Variants in DSCAM observed in about 807,000 individuals in gnomAD.
DSCAM encodes the protein cell adhesion molecule DSCAM.
A neutral mutation model predicts 217.7 loss-of-function variants in DSCAM; 47 were observed. That is an observed-to-expected ratio of 0.22 (90% confidence interval 0.17 to 0.28). The LOEUF (loss-of-function observed/expected upper bound fraction) is 0.28, where lower values mean the gene tolerates loss of function less well. Among genes scored for constraint, DSCAM ranks in the 10% least tolerant of loss-of-function variants. The pLI, the probability that DSCAM is intolerant of heterozygous loss-of-function variation, is 1.00. For missense variants in DSCAM, 2,080 were observed against 2,618.3 expected (o/e 0.79, Z 4.49); for synonymous variants, 1,056 against 1,015.3 (o/e 1.04, Z -0.76).
intron 20 of DSCAM, among the ~76,000 whole-genome samples, chr21:40,099,045 A>AT (rs1327785494): frequency 2.6e-5 from 4 of 152,190 alleles, no homozygotes; most frequent in Non-Finnish European, 2.9e-5. Flanking sequence ...TGCCAAATTA[A>AT]TTTTACAAAG....
chr21:40,603,917 T>C (rs2077081614), intron 3 of DSCAM, among the ~76,000 whole-genome samples: 1 of 140,336 alleles, frequency 7.1e-6, no homozygotes, highest in African/African-American at 2.6e-5. Context: ...GTAGACTTTT[T>C]TGCATTTCTT....
At chr21:40,499,944 CTAA>C (rs1454843061) in intron 3 of DSCAM, among the ~76,000 whole-genome samples, 2 of 152,058 alleles carry the variant, frequency 1.3e-5, no homozygotes, top group African/African-American at 4.8e-5. Flanking sequence ...CCACACCTGG[CTAA>C]TTTTTGTATT....
intron 3 of DSCAM, among the ~76,000 whole-genome samples, chr21:40,456,530 A>C (rs2075764869): frequency 6.6e-6 from 1 of 152,170 alleles, no homozygotes. Flanking sequence ...AATCAGAAAA[A>C]AAATTAGCTA....
chr21:40,625,698 G>A (rs545424954), intron 3 of DSCAM, among the ~76,000 whole-genome samples: 1 of 152,202 alleles, frequency 6.6e-6, no homozygotes, highest in Admixed American at 6.5e-5. Flanking sequence ...TCTGCACCAC[G>A]ACAGCTTATT....
At chr21:40,205,077 G>A (rs757598912) in intron 11 of DSCAM, among the ~76,000 whole-genome samples, 5 of 152,226 alleles carry the variant, frequency 3.3e-5, no homozygotes, top group African/African-American at 4.8e-5. Context: ...TTAATCAGGA[G>A]GTATTTTATG....
chr21:40,606,131 A>G (rs567446041), intron 3 of DSCAM, among the ~76,000 whole-genome samples: 1 of 152,322 alleles, frequency 6.6e-6, no homozygotes, highest in South Asian at 2.1e-4. Context: ...TAAAAATGTT[A>G]TATTTCATTT....
chr21:40,532,865 GCT>G (rs879421459), intron 3 of DSCAM, among the ~76,000 whole-genome samples: 1,821 of 114,826 alleles, frequency 0.016, 8 homozygotes, highest in Non-Finnish European at 0.021. Flanking sequence ...CAGCCACAAG[GCT>G]CTGTGTGTGT....
chr21:40,058,593 T>C (rs752755098), intron 28 of DSCAM, among the ~76,000 whole-genome samples: 6 of 152,228 alleles, frequency 3.9e-5, no homozygotes, highest in Non-Finnish European at 8.8e-5. Flanking sequence ...CAACGTGAGC[T>C]GAGTGAGATG....
intron 9 of DSCAM, among the ~76,000 whole-genome samples, chr21:40,306,946 G>A (rs1246815307): frequency 5.9e-5 from 9 of 152,058 alleles, no homozygotes; most frequent in East Asian, 1.9e-4. Flanking sequence ...TCAGGATGAC[G>A]CTGGCCTCAT....
At position 40,144,347 on chromosome 21, in the gene DSCAM, A is replaced by G; in HGVS notation, c.3259+144T>C. 2 of 1,336,848 alleles carry G rather than the reference A, an allele frequency of 1.5e-6. No homozygotes were observed. The highest frequency in any genetic ancestry group is 2.0e-6 in the Non-Finnish European group (2 of 975,982). 82.8% of individuals were successfully genotyped at this position (1,336,848 alleles called of 1,614,324 possible). Reference sequence around the variant, plus strand: ...GCGGGGTGGGCGAGGTCACGAGGGAAGGCTTTTCCACCCGAGACCCCAGGC... The same window carrying G: ...GCGGGGTGGGCGAGGTCACGAGGGAGGGCTTTTCCACCCGAGACCCCAGGC... On this transcript the variant is annotated intron_variant, in intron 17 of 32. Transcript: ENST00000400454. The surrounding 1 kb of genome is among the most constrained non-coding windows in gnomAD (Gnocchi z 4.8).
intron 1 of DSCAM, among the ~76,000 whole-genome samples, chr21:40,735,052 C>A (rs1228629199): frequency 6.6e-6 from 1 of 152,190 alleles, no homozygotes; most frequent in African/African-American, 2.4e-5. Flanking sequence ...ATTGCTAAAG[C>A]ATTGAGAGAT....
intron 8 of DSCAM, among the ~76,000 whole-genome samples, chr21:40,318,407 T>C (rs79025858): frequency 2.5e-3 from 380 of 151,716 alleles, no homozygotes; most frequent in Non-Finnish European, 4.5e-3. Flanking sequence ...AATGACGACA[T>C]GGCAGGGACA....
chr21:40,520,199 A>G (rs1405506061), intron 3 of DSCAM, among the ~76,000 whole-genome samples: 7 of 152,062 alleles, frequency 4.6e-5, no homozygotes, highest in African/African-American at 1.7e-4. Flanking sequence ...CCATAAAACT[A>G]CAAACTTCCA....
chr21:40,381,146 G>C (rs1244340542), intron 3 of DSCAM, among the ~76,000 whole-genome samples: 1 of 151,976 alleles, frequency 6.6e-6, no homozygotes, highest in African/African-American at 2.4e-5. Flanking sequence ...AAGGCGATGA[G>C]GACCAAGGTG....
At chr21:40,157,062 G>A (rs1420691949) in intron 16 of DSCAM, among the ~76,000 whole-genome samples, 1 of 152,022 alleles carries the variant, frequency 6.6e-6, no homozygotes, top group Non-Finnish European at 1.5e-5. Flanking sequence ...GCTAACAACG[G>A]TTTCTTGTTG....
chr21:40,391,405 G>A (rs1400054465), intron 3 of DSCAM, among the ~76,000 whole-genome samples: 4 of 152,314 alleles, frequency 2.6e-5, no homozygotes, highest in East Asian at 1.9e-4. Flanking sequence ...TGTAAATTAC[G>A]TGCAAAGAAT....
In DSCAM at chr21:40,764,547, C is replaced by T. The variant is rs180839793; in HGVS notation, c.44-55776G>A. Reference sequence around the variant, plus strand: ...CATTATGGAAGACAGTGTGGCGATTCCTCAAGGATCTAGAACCAGAAACAC... The same window carrying T: ...CATTATGGAAGACAGTGTGGCGATTTCTCAAGGATCTAGAACCAGAAACAC... On this transcript the variant is annotated intron_variant, in intron 1 of 32. Transcript: ENST00000400454. Among the ~76,000 whole-genome samples the T allele has an allele frequency of 7.8e-4, 119 of 152,260 alleles. 3 individuals carry two copies. The South Asian group carries it at 0.023, about 30-fold the overall frequency.
chr21:40,557,507 A>C (rs2076681577), intron 3 of DSCAM, among the ~76,000 whole-genome samples: 1 of 151,690 alleles, frequency 6.6e-6, no homozygotes, highest in Non-Finnish European at 1.5e-5. Flanking sequence ...GGCGCCCAAC[A>C]CCGGGCCCGG....
intron 3 of DSCAM, among the ~76,000 whole-genome samples, chr21:40,535,576 A>G (rs577245586): frequency 6.6e-6 from 1 of 152,370 alleles, no homozygotes; most frequent in Non-Finnish European, 1.5e-5. Flanking sequence ...TTTTTCAAAA[A>G]TATATTCATC....
Sources: allele counts gnomAD v4.1 joint callset (sites outside exome capture counted in the v4.1 genomes callset), GRCh38; gene constraint gnomAD v4.1.1; non-coding constraint Gnocchi (gnomAD v3.1); transcripts MANE v1.5; gene names NCBI Gene and HGNC (gene_info 2026-07-23, HGNC 2026-07-21).